Variants in PTPRT observed in about 807,000 individuals in gnomAD.
PTPRT encodes the protein protein tyrosine phosphatase receptor type T.
A neutral mutation model predicts 176.8 loss-of-function variants in PTPRT; 56 were observed. That is an observed-to-expected ratio of 0.32 (90% CI 0.26 to 0.40). PTPRT has a LOEUF of 0.40. Ranked by LOEUF, PTPRT falls within the 10% of genes least tolerant of loss-of-function variation. The probability of loss-of-function intolerance (pLI) is 1.00; values close to 1 mark genes in which losing one functional copy is unlikely to be tolerated. For missense variants in PTPRT, 1,540 were observed against 1,908.2 expected (o/e 0.81, Z 3.60); for synonymous variants, 783 against 739.0 (o/e 1.06, Z -0.96).
At chr20:42,270,320 C>T in intron 13 of PTPRT, 1 of 1,372,576 alleles carries the variant, frequency 7.3e-7, no homozygotes, top group South Asian at 1.2e-5. Context: ...TGATTCCTCT[C>T]TGGTGCACCT....
chr20:42,791,100 T>C, intron 3 of PTPRT, 95 bp downstream of exon 3: 1 of 1,435,840 alleles, frequency 7.0e-7, no homozygotes, highest in South Asian at 1.5e-5. Context: ...AGTGAATAAA[T>C]GAAGTCCTTT....
intron 12 of PTPRT, among the ~76,000 whole-genome samples, chr20:42,297,543 T>G (rs2057404969): frequency 6.6e-6 from 1 of 152,090 alleles, no homozygotes; most frequent in South Asian, 2.1e-4. Flanking sequence ...ACACTAAAAT[T>G]TATAGGGAAC....
chr20:42,300,087 G>A (rs1324755805), intron 12 of PTPRT, among the ~76,000 whole-genome samples: 10 of 151,378 alleles, frequency 6.6e-5, no homozygotes, highest in Middle Eastern at 3.4e-3. Context: ...GTGAAACCCC[G>A]TCTCTACTAA....
chr20:42,199,393 G>GGAAGCTT lies in PTPRT; in HGVS notation c.2343-6_2343-5insAAGCTTC. On this transcript the variant is annotated splice_region_variant and splice_polypyrimidine_tract_variant and intron_variant, in intron 15 of 30. Transcript: ENST00000373187. The stretch of plus-strand genomic sequence containing the variant: ...TTCTGCTTCTTGGCCAGCTTCCTTT[G>GGAAGCTT]GGACATGTGCAAGGGGAAAAAACCA... The GGAAGCTT allele has an allele frequency of 6.2e-7, 1 of 1,613,276 alleles. No homozygotes were observed. Among genetic ancestry groups the GGAAGCTT allele is most frequent in the Non-Finnish European group, 8.5e-7 (1 of 1,179,692 alleles).
chr20:43,120,132 T>C (rs2013203723), intron 1 of PTPRT, among the ~76,000 whole-genome samples: 1 of 151,880 alleles, frequency 6.6e-6, no homozygotes, highest in Non-Finnish European at 1.5e-5. Context: ...AAACCAGGAG[T>C]AGTAACCACA....
intron 11 of PTPRT, among the ~76,000 whole-genome samples, chr20:42,345,408 T>A (rs2058174811): frequency 6.8e-6 from 1 of 147,562 alleles, no homozygotes; most frequent in Non-Finnish European, 1.5e-5. Flanking sequence ...TATATAAAAC[T>A]AGTTACTATA....
At chr20:42,757,098 G>A (rs1449233232) in intron 5 of PTPRT, among the ~76,000 whole-genome samples, 1 of 150,988 alleles carries the variant, frequency 6.6e-6, no homozygotes, top group Non-Finnish European at 1.5e-5. Context: ...TTCATGGCTG[G>A]TTTGTGCTAA....
intron 7 of PTPRT, among the ~76,000 whole-genome samples, chr20:42,512,451 G>A (rs1286594335): frequency 6.6e-6 from 1 of 152,154 alleles, no homozygotes; most frequent in Non-Finnish European, 1.5e-5. Context: ...ATCCAGTTGT[G>A]TGTATTAATA....
chr20:42,185,101 T>C (rs947123939), intron 16 of PTPRT, among the ~76,000 whole-genome samples: 1 of 152,082 alleles, frequency 6.6e-6, no homozygotes, highest in Non-Finnish European at 1.5e-5. Flanking sequence ...TAGAGAAACA[T>C]CTTGGCTGCC....
At chr20:42,259,378 A>C (rs1372464185) in intron 13 of PTPRT, among the ~76,000 whole-genome samples, 4 of 152,230 alleles carry the variant, frequency 2.6e-5, no homozygotes, top group Admixed American at 2.6e-4. Flanking sequence ...AGTCATGCCC[A>C]ACTGATGCCA....
At chr20:42,590,936 GT>G in intron 7 of PTPRT, among the ~76,000 whole-genome samples, 1 of 122,682 alleles carries the variant, frequency 8.2e-6, no homozygotes, top group East Asian at 2.1e-4. Flanking sequence ...GCGTGTGTGT[GT>G]GTGTGTGTGT....
At chr20:42,728,721 C>T (rs894769588) in intron 6 of PTPRT, among the ~76,000 whole-genome samples, 18 of 152,186 alleles carry the variant, frequency 1.2e-4, no homozygotes, top group African/African-American at 4.3e-4. Context: ...TGACCACGGG[C>T]CCATGCGCTA....
intron 7 of PTPRT, among the ~76,000 whole-genome samples, chr20:42,529,862 A>G (rs73127302): frequency 0.12 from 17,753 of 151,190 alleles, 1,123 homozygotes; most frequent in East Asian, 0.2. Context: ...AAAAAAAAAA[A>G]AAAGAAAAAA....
intron 2 of PTPRT, among the ~76,000 whole-genome samples, chr20:42,841,488 TCAGA>T (rs1463622635): frequency 1.3e-5 from 2 of 152,056 alleles, no homozygotes; most frequent in African/African-American, 4.8e-5. Flanking sequence ...CATTCTGGGC[TCAGA>T]CACACAAATA....
intron 23 of PTPRT, among the ~76,000 whole-genome samples, chr20:42,109,133 G>A (rs1986789750): frequency 1.3e-5 from 2 of 151,280 alleles, no homozygotes; most frequent in Non-Finnish European, 2.9e-5. Flanking sequence ...GGGTTGTGTA[G>A]CTACTATTGC....
At chr20:42,392,404 G>A (rs1219299862) in intron 9 of PTPRT, among the ~76,000 whole-genome samples, 1 of 151,698 alleles carries the variant, frequency 6.6e-6, no homozygotes, top group East Asian at 1.9e-4. Context: ...AAGGGCGTTT[G>A]CTTTACTAAT....
In PTPRT at chr20:42,129,566, GAC is replaced by G. The variant is rs562296748; in HGVS notation, c.2771-738_2771-737del. 5.8e-3 allele frequency among the ~76,000 whole-genome samples: 876 copies of G among 152,298 alleles called. 10 individuals carry two copies. Among genetic ancestry groups the G allele is most frequent in the African/African-American group, 0.02 (848 of 41,564 alleles). On this transcript the variant is annotated intron_variant, in intron 18 of 30. Coordinates refer to ENST00000373187, the MANE Select transcript of PTPRT (RefSeq NM_007050.6). ...TTAAGTGAGCTCTGACACGCTAATA[GAC>G]ACACACAAGTGGAACATTGGTTCGG...
At chr20:42,876,475 C>T (rs1265648596) in intron 2 of PTPRT, among the ~76,000 whole-genome samples, 2 of 152,034 alleles carry the variant, frequency 1.3e-5, no homozygotes, top group Non-Finnish European at 2.9e-5. Flanking sequence ...AAGGGATCAT[C>T]CCCAGTGTCT....
intron 7 of PTPRT, among the ~76,000 whole-genome samples, chr20:42,561,130 G>A (rs2072945276): frequency 1.3e-5 from 2 of 152,230 alleles, no homozygotes; most frequent in Admixed American, 1.3e-4. Flanking sequence ...TTTAAGGACT[G>A]TAACAATTGC....
Sources: gnomAD v4.1 joint callset for allele counts (sites outside exome capture counted in the v4.1 genomes callset) on GRCh38, gnomAD v4.1.1 for gene constraint, MANE v1.5 for transcripts, NCBI Gene and HGNC (gene_info 2026-07-23, HGNC 2026-07-21) for gene names.